Variants in ZC3H4 observed in about 807,000 individuals in gnomAD.
ZC3H4 encodes the protein zinc finger CCCH domain-containing protein 4.
A neutral mutation model predicts 108.3 loss-of-function variants in ZC3H4; 13 were observed. The observed-to-expected ratio is 0.12, with a 90% confidence interval of 0.08 to 0.19. ZC3H4 has a LOEUF of 0.19. Ranked by LOEUF, ZC3H4 falls within the 10% of genes least tolerant of loss-of-function variation. The pLI is 1.00. For synonymous variants in ZC3H4, 917 were observed against 749.6 expected (o/e 1.22, Z -3.65); for missense variants, 1,734 against 1,838.8 (o/e 0.94, Z 1.04).
chr19:47,094,854 G>C (rs868301916), intron 2 of ZC3H4, among the ~76,000 whole-genome samples: 1 of 152,170 alleles, frequency 6.6e-6, no homozygotes, highest in Non-Finnish European at 1.5e-5. Flanking sequence ...CACTAACACC[G>C]GGACACATCT....
At chr19:47,078,567 G>C (rs1323049975) in intron 11 of ZC3H4, among the ~76,000 whole-genome samples, 2 of 152,142 alleles carry the variant, frequency 1.3e-5, no homozygotes, top group African/African-American at 4.8e-5. Context: ...TGGATCACCT[G>C]TCGAGGTGGG....
intron 6 of ZC3H4, 82 bp from the exon 7 acceptor site, chr19:47,085,496 T>A: frequency 7.9e-7 from 1 of 1,263,420 alleles, no homozygotes; most frequent in Non-Finnish European, 1.1e-6. Context: ...TGCTCCTTTT[T>A]GAAGGATGGT....
At chr19:47,069,799 T>C (rs1418179878) in intron 13 of ZC3H4, among the ~76,000 whole-genome samples, 1 of 152,192 alleles carries the variant, frequency 6.6e-6, no homozygotes, top group Non-Finnish European at 1.5e-5. Context: ...AACTCGACCA[T>C]GTTCAACACT....
In ZC3H4 at chr19:47,066,234, G is replaced by A; in HGVS notation, c.*122C>T. 1.4e-6 allele frequency: 1 copy of A among 733,086 alleles called. No individual in the cohort carries two copies. Among genetic ancestry groups the A allele is most frequent in the Non-Finnish European group, 2.0e-6 (1 of 488,226 alleles). The allele number at this position is 733,086 out of a possible 1,614,324, so 45.4% of individuals were successfully genotyped here. A position where few individuals can be genotyped will look rare whatever the true frequency, so the allele number is the denominator to read the frequency against. On this transcript the variant is annotated 3_prime_UTR_variant, in exon 15 of 15. Transcript: ENST00000253048. Reference sequence around the variant, plus strand: ...AAAATAAAAGAGACGGAAAGCAAAAGAAAAAGAAAAGAAAAAAGGAACACC... The same window carrying A: ...AAAATAAAAGAGACGGAAAGCAAAAAAAAAAGAAAAGAAAAAAGGAACACC...
chr19:47,066,248 A>C lies in ZC3H4; in HGVS notation c.*108T>G. Reference sequence around the variant, plus strand: ...GGAAAGCAAAAGAAAAAGAAAAGAAAAAAGGAACACCCAGCCTGCCTCCCC... The same window carrying C: ...GGAAAGCAAAAGAAAAAGAAAAGAACAAAGGAACACCCAGCCTGCCTCCCC... On this transcript the variant is annotated 3_prime_UTR_variant, in exon 15 of 15. Coordinates refer to ENST00000253048, the MANE Select transcript of ZC3H4 (RefSeq NM_015168.2). 1.2e-6 allele frequency: 1 copy of C among 850,564 alleles called. No individual in the cohort carries two copies. Among genetic ancestry groups the C allele is most frequent in the Non-Finnish European group, 1.7e-6 (1 of 591,392 alleles). 52.7% of individuals were successfully genotyped at this position (850,564 alleles called of 1,614,324 possible). A position where few individuals can be genotyped will look rare whatever the true frequency, so the allele number is the denominator to read the frequency against.
intron 2 of ZC3H4, among the ~76,000 whole-genome samples, chr19:47,107,676 T>C (rs1033944493): frequency 3.4e-5 from 5 of 146,768 alleles, no homozygotes; most frequent in Non-Finnish European, 6.0e-5. Flanking sequence ...AAAAAAAAAG[T>C]AACAGGACAC....
At chr19:47,107,322 T>C (rs2057980046) in intron 2 of ZC3H4, among the ~76,000 whole-genome samples, 1 of 152,228 alleles carries the variant, frequency 6.6e-6, no homozygotes, top group African/African-American at 2.4e-5. Context: ...CACTGAATGC[T>C]GGCATTGTGT....
At chr19:47,091,215 T>C (rs1371464142) in intron 4 of ZC3H4, among the ~76,000 whole-genome samples, 1 of 151,992 alleles carries the variant, frequency 6.6e-6, no homozygotes, top group African/African-American at 2.4e-5. Flanking sequence ...GAGGTTGTAG[T>C]GAGCAGAGAC....
In ZC3H4 at chr19:47,071,979, G is replaced by A. The variant is rs1014481127; in HGVS notation, c.1945C>T (p.His649Tyr). 1 of 1,605,982 alleles carries A rather than the reference G, an allele frequency of 6.2e-7. No homozygotes were observed. Among genetic ancestry groups the A allele is most frequent in the Non-Finnish European group, 8.5e-7 (1 of 1,175,568 alleles). The stretch of plus-strand genomic sequence containing the variant: ...CCAGGGCCCATCGGCATGTCTGCGT[G>A]CATGTCTGCGTGCATGTCAGGGTGC... ...DMHPDMHADM[H>Y]ADMPMGPGMN... Residue 649 changes from histidine (H) to tyrosine (Y), a missense_variant, in exon 13 of 15, where the codon CAC (histidine) becomes TAC (tyrosine). Physicochemically the swap from His to Tyr is moderately conservative, Grantham distance 83. Coordinates refer to ENST00000253048, the MANE Select transcript of ZC3H4 (RefSeq NM_015168.2).
intron 5 of ZC3H4, among the ~76,000 whole-genome samples, chr19:47,087,500 C>T (rs945164233): frequency 2.0e-5 from 3 of 151,806 alleles, no homozygotes; most frequent in Non-Finnish European, 2.9e-5. Context: ...TTTGGGAGGC[C>T]CAGTTGGGCA....
Position 47,067,502 on chromosome 19 carries a change from T to C in ZC3H4, c.2766A>G (p.Pro922=). 3 of 1,586,186 alleles carry C rather than the reference T, an allele frequency of 1.9e-6. No homozygotes were observed. The highest frequency in any genetic ancestry group is 2.6e-6 in the Non-Finnish European group (3 of 1,164,882). ...PSSSKGSGPP[P]TEEEEGERAL... is the part of the protein sequence containing the mutation. ...CCCGCTCCCCTTCCTCCTCCTCCGT[T>C]GGGGGCGGCCCAGACCCCTTGGAAC... The change falls in exon 15 of 15, where the codon CCA becomes CCG. Residue 922 remains proline, a synonymous_variant. Transcript: ENST00000253048. The surrounding 1 kb of genome is among the most constrained non-coding windows in gnomAD (Gnocchi z 6.4).
intron 9 of ZC3H4, 125 bp from the exon 10 acceptor site, chr19:47,082,420 C>T: frequency 5.5e-6 from 4 of 725,830 alleles, no homozygotes; most frequent in Non-Finnish European, 9.8e-6. Flanking sequence ...AACGAATCCC[C>T]CTTAGGAAAG....
chr19:47,097,635 A>G (rs1404897939), intron 2 of ZC3H4, among the ~76,000 whole-genome samples: 1 of 152,228 alleles, frequency 6.6e-6, no homozygotes, highest in Non-Finnish European at 1.5e-5. Context: ...GGTCTCAACA[A>G]AACAGCAACC....
intron 5 of ZC3H4, among the ~76,000 whole-genome samples, chr19:47,089,428 C>T (rs374852045): frequency 1.1e-4 from 17 of 152,186 alleles, no homozygotes; most frequent in African/African-American, 2.6e-4. Flanking sequence ...CCGACAGCCT[C>T]GGCCTCCCAA....
chr19:47,069,403 C>T, intron 13 of ZC3H4, 60 bp from the exon 14 acceptor site: 2 of 1,555,444 alleles, frequency 1.3e-6, no homozygotes, highest in Non-Finnish European at 1.7e-6. Flanking sequence ...CCAACTCCAG[C>T]CCCCCTGCCC....
At chr19:47,100,432 G>A (rs2057888494) in intron 2 of ZC3H4, among the ~76,000 whole-genome samples, 1 of 151,856 alleles carries the variant, frequency 6.6e-6, no homozygotes, top group Non-Finnish European at 1.5e-5. Flanking sequence ...CATTTCCATG[G>A]TAACGTGCCT....
At chr19:47,075,260 G>A (rs1417126145) in intron 11 of ZC3H4, among the ~76,000 whole-genome samples, 1 of 152,194 alleles carries the variant, frequency 6.6e-6, no homozygotes. Flanking sequence ...GGGACCCGTG[G>A]AGGCAGAACC....
chr19:47,091,796 G>A (rs2057736072), intron 4 of ZC3H4, among the ~76,000 whole-genome samples: 1 of 151,728 alleles, frequency 6.6e-6, no homozygotes, highest in Admixed American at 6.6e-5. Flanking sequence ...GAGAGGCTGA[G>A]GCAGGAGAAT....
At chr19:47,103,793 A>T (rs1367980178) in intron 2 of ZC3H4, among the ~76,000 whole-genome samples, 1 of 151,472 alleles carries the variant, frequency 6.6e-6, no homozygotes, top group Non-Finnish European at 1.5e-5. Context: ...ACTACAAAAA[A>T]ATAAGCCAGG....
Sources: allele counts gnomAD v4.1 joint callset (sites outside exome capture counted in the v4.1 genomes callset), GRCh38; gene constraint gnomAD v4.1.1; non-coding constraint Gnocchi (gnomAD v3.1); transcripts MANE v1.5; gene names NCBI Gene and HGNC (gene_info 2026-07-23, HGNC 2026-07-21).